The following IMMP2L variants were observed in gnomAD, a reference collection of about 807,000 sequenced individuals.
IMMP2L encodes the protein mitochondrial inner membrane protease subunit 2.
Under a neutral mutation model 19.3 loss-of-function variants are expected in IMMP2L, and 18 were observed. The observed-to-expected ratio is 0.93, with a 90% confidence interval of 0.64 to 1.38. IMMP2L has a LOEUF of 1.38. Among genes scored for constraint, IMMP2L ranks in the 40% most tolerant of loss-of-function variants. IMMP2L has a pLI of 0.00. For synonymous variants in IMMP2L, 76 were observed against 73.0 expected, an observed-to-expected ratio of 1.04 and a Z score of -0.21; for missense variants, 233 against 218.2, an observed-to-expected ratio of 1.07 and a Z score of -0.43.
At chr7:111,191,623 C>T (rs969458369) in intron 3 of IMMP2L, among the ~76,000 whole-genome samples, 2 of 152,044 alleles carry the variant, frequency 1.3e-5, no homozygotes, top group Non-Finnish European at 1.5e-5. Context: ...AGTAGTAGCA[C>T]AAACTGGCTT....
chr7:110,858,311 T>C (rs999518105), intron 5 of IMMP2L, among the ~76,000 whole-genome samples: 2 of 152,108 alleles, frequency 1.3e-5, no homozygotes, highest in Non-Finnish European at 2.9e-5. Context: ...TAGGTCTAGA[T>C]TAATAACAAG....
At chr7:110,874,997 C>T (rs1054072336) in intron 5 of IMMP2L, among the ~76,000 whole-genome samples, 7 of 152,002 alleles carry the variant, frequency 4.6e-5, no homozygotes, top group Non-Finnish European at 1.0e-4. Context: ...TAATCCCAGC[C>T]ATGAGGGTGG....
rs1361333898 is a variant in IMMP2L, at chr7:111,348,873, T to C, written c.239+138365A>G. ...AATATGACTTCTTCTGTCCATCTTA[T>C]GTGTATCTCATAAGCTCCTAAGGAC... is the stretch of plus-strand genomic sequence containing the variant. On this transcript the variant is annotated intron_variant, in intron 3 of 5. Transcript: ENST00000405709. Among the ~76,000 whole-genome samples the C allele has an allele frequency of 2.6e-5, 4 of 152,128 alleles. No homozygotes were observed. The East Asian group carries it at 7.7e-4, about 29-fold the overall frequency.
At chr7:110,933,922 T>C (rs1815789896) in intron 4 of IMMP2L, among the ~76,000 whole-genome samples, 1 of 152,204 alleles carries the variant, frequency 6.6e-6, no homozygotes, top group Non-Finnish European at 1.5e-5. Context: ...GTTCTTTTAA[T>C]TGTGATGTTA....
At chr7:111,502,869 G>A (rs1844443425) in intron 2 of IMMP2L, among the ~76,000 whole-genome samples, 1 of 150,122 alleles carries the variant, frequency 6.7e-6, no homozygotes, top group Non-Finnish European at 1.5e-5. Flanking sequence ...GAGAAAGCAG[G>A]AAAGATCCAA....
At chr7:111,258,027 G>A (rs1816915755) in intron 3 of IMMP2L, among the ~76,000 whole-genome samples, 1 of 151,534 alleles carries the variant, frequency 6.6e-6, no homozygotes, top group African/African-American at 2.4e-5. Flanking sequence ...GAGAACACAT[G>A]GTTAAAACAC....
intron 5 of IMMP2L, among the ~76,000 whole-genome samples, chr7:110,706,825 G>T (rs1362889261): frequency 6.6e-6 from 1 of 151,758 alleles, no homozygotes; most frequent in African/African-American, 2.4e-5. Context: ...AGTTTCTTTT[G>T]CTGTGCAGAT....
intron 3 of IMMP2L, among the ~76,000 whole-genome samples, chr7:111,062,269 A>G (rs1241834136): frequency 6.6e-6 from 1 of 152,138 alleles, no homozygotes; most frequent in Non-Finnish European, 1.5e-5. Flanking sequence ...AAGAGAAGGG[A>G]GCTTGTAAAG....
chr7:111,166,565 T>C (rs138738563), intron 3 of IMMP2L, among the ~76,000 whole-genome samples: 36 of 152,104 alleles, frequency 2.4e-4, no homozygotes, highest in African/African-American at 7.9e-4. Flanking sequence ...AGTTGGTTAA[T>C]TCGTGCCCCA....
At chr7:111,027,550 G>A (rs1049632661) in intron 3 of IMMP2L, among the ~76,000 whole-genome samples, 3 of 151,738 alleles carry the variant, frequency 2.0e-5, no homozygotes, top group Non-Finnish European at 4.4e-5. Context: ...TCACTGGGAC[G>A]GCTAAAGTCA....
chr7:111,077,562 T>C (rs185924003), intron 3 of IMMP2L, among the ~76,000 whole-genome samples: 94 of 152,278 alleles, frequency 6.2e-4, no homozygotes, highest in Non-Finnish European at 1.3e-3. Context: ...TCAACATCTC[T>C]TCAGCTATCA....
intron 3 of IMMP2L, among the ~76,000 whole-genome samples, chr7:111,138,379 C>T (rs890336169): frequency 3.2e-4 from 49 of 152,162 alleles, no homozygotes; most frequent in African/African-American, 1.0e-3. Flanking sequence ...TGTCCAATGA[C>T]GTGGCAGCCC....
intron 5 of IMMP2L, among the ~76,000 whole-genome samples, chr7:110,818,468 G>C (rs1036801239): frequency 7.9e-5 from 12 of 152,142 alleles, no homozygotes; most frequent in Middle Eastern, 3.4e-3. Context: ...GAAACAACAG[G>C]TGCTGGAGAG....
chr7:111,129,322 T>C (rs1801624368), intron 3 of IMMP2L, among the ~76,000 whole-genome samples: 1 of 151,934 alleles, frequency 6.6e-6, no homozygotes, highest in African/African-American at 2.4e-5. Context: ...ATATTTTCTT[T>C]GATCCAACCT....
intron 3 of IMMP2L, among the ~76,000 whole-genome samples, chr7:111,180,279 C>T (rs891500388): frequency 3.9e-5 from 6 of 151,936 alleles, no homozygotes. Flanking sequence ...ACTCATAACT[C>T]GTTCTTTCTC....
At chr7:110,965,326 T>G (rs2129555816) in intron 3 of IMMP2L, among the ~76,000 whole-genome samples, 1 of 152,192 alleles carries the variant, frequency 6.6e-6, no homozygotes, top group East Asian at 1.9e-4. Context: ...AAAGATCAAA[T>G]ATATTCAAAC....
At chr7:111,182,736 T>C (rs1807845796) in intron 3 of IMMP2L, among the ~76,000 whole-genome samples, 2 of 151,904 alleles carry the variant, frequency 1.3e-5, no homozygotes, top group African/African-American at 2.4e-5. Context: ...ATGAATTTAG[T>C]TGCAAATAAG....
intron 1 of IMMP2L, among the ~76,000 whole-genome samples, chr7:111,554,602 T>C (rs1247990030): frequency 6.6e-6 from 1 of 152,026 alleles, no homozygotes; most frequent in East Asian, 1.9e-4. Flanking sequence ...CTCAAAGCAT[T>C]GCTTTATTTT....
chr7:111,050,285 C>T (rs1015730663), intron 3 of IMMP2L, among the ~76,000 whole-genome samples: 13 of 152,274 alleles, frequency 8.5e-5, no homozygotes, highest in African/African-American at 3.1e-4. Context: ...GCCAAATTCA[C>T]CATATTTAAA....
Sources: allele counts gnomAD v4.1 joint callset (sites outside exome capture counted in the v4.1 genomes callset), GRCh38; gene constraint gnomAD v4.1.1; transcripts MANE v1.5; gene names NCBI Gene and HGNC (gene_info 2026-07-23, HGNC 2026-07-21).